The following KIAA1217 variants were observed in gnomAD, a reference collection of about 807,000 sequenced individuals.
KIAA1217 encodes the protein KIAA1217.
KIAA1217 carries 88 observed loss-of-function variants against 163.9 expected under a neutral mutation model. The ratio of observed to expected loss-of-function variants is 0.54; its 90% CI spans 0.45 to 0.64. KIAA1217 has a LOEUF of 0.64. Ranked by LOEUF, KIAA1217 falls within the 30% of genes least tolerant of loss-of-function variation. The pLI, the probability that KIAA1217 is intolerant of heterozygous loss-of-function variation, is 0.00. For missense variants in KIAA1217, 2,372 were observed against 2,475.0 expected, an observed-to-expected ratio of 0.96 and a Z score of 0.88; for synonymous variants, 903 against 923.1, an observed-to-expected ratio of 0.98 and a Z score of 0.39.
intron 2 of KIAA1217, among the ~76,000 whole-genome samples, chr10:24,170,645 C>T (rs924391296): frequency 6.6e-6 from 1 of 152,142 alleles, no homozygotes; most frequent in South Asian, 2.1e-4. Flanking sequence ...CTGCTTCTGA[C>T]GCTATATAAA....
At chr10:24,137,468 T>C (rs1421078559) in intron 2 of KIAA1217, among the ~76,000 whole-genome samples, 2 of 152,212 alleles carry the variant, frequency 1.3e-5, no homozygotes, top group Non-Finnish European at 2.9e-5. Context: ...CCAACACTCT[T>C]TGGAAGTTCT....
At chr10:24,518,095 C>A (rs188695610) in intron 10 of KIAA1217, among the ~76,000 whole-genome samples, 27 of 152,274 alleles carry the variant, frequency 1.8e-4, no homozygotes, top group African/African-American at 5.1e-4. Context: ...TACATTCCAA[C>A]AAACTGCATG....
intron 5 of KIAA1217, among the ~76,000 whole-genome samples, chr10:24,452,411 C>T (rs192093883): frequency 9.9e-4 from 151 of 151,952 alleles, no homozygotes; most frequent in East Asian, 7.7e-4. Flanking sequence ...CGGTGGTTCA[C>T]GCCTGTATTT....
intron 1 of KIAA1217, among the ~76,000 whole-genome samples, chr10:23,806,284 G>A (rs1836740389): frequency 6.6e-6 from 1 of 152,100 alleles, no homozygotes; most frequent in Admixed American, 6.5e-5. Context: ...AGGTTAAAAG[G>A]ATGCATATTT....
intron 3 of KIAA1217, among the ~76,000 whole-genome samples, chr10:24,410,999 TC>T (rs1296495186): frequency 2.6e-5 from 4 of 152,202 alleles, no homozygotes; most frequent in African/African-American, 2.4e-5. Flanking sequence ...GTTCTTTTTT[TC>T]CTCTCAATTC....
intron 11 of KIAA1217, among the ~76,000 whole-genome samples, chr10:24,520,639 AAAAAAAAAAAAAATATATAT>A (rs1259905476): frequency 1.8e-5 from 1 of 56,654 alleles, no homozygotes; most frequent in African/African-American, 8.0e-5. Flanking sequence ...AAAAAAAAAA[AAAAAAAAAAAAAATATATAT>A]ATATATATAT....
At chr10:23,904,992 C>G (rs1421310993) in intron 1 of KIAA1217, among the ~76,000 whole-genome samples, 1 of 147,400 alleles carries the variant, frequency 6.8e-6, no homozygotes, top group Non-Finnish European at 1.5e-5. Context: ...ATGATGGAGT[C>G]GATTGCTGAG....
At chr10:24,442,613 AC>A (rs1305495962) in intron 5 of KIAA1217, among the ~76,000 whole-genome samples, 2 of 152,074 alleles carry the variant, frequency 1.3e-5, no homozygotes, top group African/African-American at 4.8e-5. Flanking sequence ...CTTCTTGATT[AC>A]CTTTTGAAGA....
chr10:23,780,960 C>T (rs1008725948), intron 1 of KIAA1217, among the ~76,000 whole-genome samples: 8 of 152,116 alleles, frequency 5.3e-5, no homozygotes, highest in Admixed American at 5.2e-4. Context: ...GGATTACAGG[C>T]GTGAGCCACC....
intron 1 of KIAA1217, among the ~76,000 whole-genome samples, chr10:23,713,028 G>A (rs1183056238): frequency 1.3e-5 from 2 of 152,048 alleles, no homozygotes; most frequent in Non-Finnish European, 2.9e-5. Context: ...GGGTGAAAGT[G>A]TAGAATGCCA....
At chr10:24,365,679 A>G (rs1236327765) in intron 2 of KIAA1217, among the ~76,000 whole-genome samples, 3 of 151,930 alleles carry the variant, frequency 2.0e-5, no homozygotes, top group Non-Finnish European at 4.4e-5. Context: ...TTTTCTCTTC[A>G]AGGTCTCTTC....
At chr10:23,730,845 T>C (rs1433761682) in intron 1 of KIAA1217, among the ~76,000 whole-genome samples, 1 of 152,242 alleles carries the variant, frequency 6.6e-6, no homozygotes, top group African/African-American at 2.4e-5. Flanking sequence ...TAATCTTGTA[T>C]TCTGAAACCT....
At chr10:23,745,025 C>T (rs1011908627) in intron 1 of KIAA1217, among the ~76,000 whole-genome samples, 4 of 152,174 alleles carry the variant, frequency 2.6e-5, no homozygotes, top group Non-Finnish European at 5.9e-5. Flanking sequence ...TTCACAGAAA[C>T]TTCCAGAATA....
chr10:24,017,911 C>G (rs1847559548), intron 2 of KIAA1217, among the ~76,000 whole-genome samples: 1 of 152,068 alleles, frequency 6.6e-6, no homozygotes, highest in Non-Finnish European at 1.5e-5. Context: ...ATTCAGAGTT[C>G]ATGGAGATAA....
intron 2 of KIAA1217, among the ~76,000 whole-genome samples, chr10:24,019,203 C>T (rs926830423): frequency 2.6e-5 from 4 of 151,966 alleles, no homozygotes; most frequent in African/African-American, 9.7e-5. Context: ...TTAAAATGTT[C>T]TCATCAGAAA....
intron 1 of KIAA1217, among the ~76,000 whole-genome samples, chr10:23,862,038 A>G (rs6482352): frequency 0.18 from 27,840 of 152,160 alleles, 2,661 homozygotes; most frequent in Middle Eastern, 0.21. Flanking sequence ...GAACTGGTCA[A>G]TATTGTGAAG....
chr10:23,726,666 C>A lies in KIAA1217; in HGVS notation c.-321+31432C>A, dbSNP rs143985825. Among the ~76,000 whole-genome samples, 1,372 of 151,988 alleles carry A rather than the reference C, an allele frequency of 9.0e-3. 21 individuals are homozygous for A. The highest frequency in any genetic ancestry group is 0.031 in the African/African-American group (1,305 of 41,480). ...TGCAATCTACTCATCTGACAAAGGGCTAATATCCAGAATCTACAAAGAACT... is the reference window on the plus strand; with the variant it reads ...TGCAATCTACTCATCTGACAAAGGGATAATATCCAGAATCTACAAAGAACT... On this transcript the variant is annotated intron_variant, in intron 1 of 18. Coordinates refer to the KIAA1217 transcript ENST00000376462.
chr10:23,939,733 A>G (rs1013038601), intron 1 of KIAA1217, among the ~76,000 whole-genome samples: 3 of 151,630 alleles, frequency 2.0e-5, no homozygotes, highest in Non-Finnish European at 2.9e-5. Flanking sequence ...TCAAGTATAT[A>G]GAAGACTTAA....
chr10:24,290,843 C>T (rs2079023569), intron 2 of KIAA1217, among the ~76,000 whole-genome samples: 1 of 152,004 alleles, frequency 6.6e-6, no homozygotes, highest in Admixed American at 6.5e-5. Flanking sequence ...CTCAGGTGCT[C>T]CACCTGCCTC....
Sources: allele counts gnomAD v4.1 joint callset (sites outside exome capture counted in the v4.1 genomes callset), GRCh38; gene constraint gnomAD v4.1.1; transcripts MANE v1.5; gene names NCBI Gene and HGNC (gene_info 2026-07-23, HGNC 2026-07-21).